Variants in FMNL3 observed in about 807,000 individuals in gnomAD.
FMNL3 encodes the protein formin like 3.
FMNL3 carries 57 observed loss-of-function variants against 119.6 expected under a neutral mutation model. The observed-to-expected ratio is 0.48, with a 90% CI of 0.39 to 0.59. The LOEUF (loss-of-function observed/expected upper bound fraction) is 0.59, where lower values mean the gene tolerates loss of function less well. Ranked by LOEUF, FMNL3 falls within the 20% of genes least tolerant of loss-of-function variation. The probability of loss-of-function intolerance (pLI) is 0.00; values close to 1 mark genes in which losing one functional copy is unlikely to be tolerated. For missense variants in FMNL3, 1,053 were observed against 1,323.5 expected (o/e 0.80, Z 3.17); for synonymous variants, 491 against 507.3 (o/e 0.97, Z 0.43).
Position 49,645,734 on chromosome 12 carries a change from T to C in FMNL3, c.*81A>G. On this transcript the variant is annotated 3_prime_UTR_variant, in exon 26 of 26. Transcript: ENST00000335154. Reference sequence around the variant, plus strand: ...TTGAGAGAGCAACACAGCCCTCTCCTGAGCCCTTGGCCAATTCCAGGTCCA... The same window carrying C: ...TTGAGAGAGCAACACAGCCCTCTCCCGAGCCCTTGGCCAATTCCAGGTCCA... The C allele has an allele frequency of 1.6e-6, 2 of 1,259,952 alleles. No homozygotes were observed. The highest frequency in any genetic ancestry group is 2.2e-6 in the Non-Finnish European group (2 of 903,822). 78.0% of individuals were successfully genotyped at this position (1,259,952 alleles called of 1,614,324 possible).
chr12:49,655,296 G>A (rs1030677051), intron 9 of FMNL3, among the ~76,000 whole-genome samples: 1 of 152,200 alleles, frequency 6.6e-6, no homozygotes, highest in Non-Finnish European at 1.5e-5. Context: ...GCCGGGCATG[G>A]TGGCACATGC....
At chr12:49,646,791 TG>T (rs1363197523) in intron 25 of FMNL3, 94 bp downstream of exon 25, 4 of 1,573,756 alleles carry the variant, frequency 2.5e-6, no homozygotes, top group Non-Finnish European at 3.5e-6. Context: ...TCAGGCCTCA[TG>T]GGGGGTGGGG....
chr12:49,704,710 C>CAAAAAAAAAAAAAA (rs59799899), intron 1 of FMNL3, among the ~76,000 whole-genome samples: 16 of 37,842 alleles, frequency 4.2e-4, no homozygotes, highest in Middle Eastern at 0.017. Context: ...AACTCCATCT[C>CAAAAAAAAAAAAAA]AAAAAAAAAA....
intron 1 of FMNL3, among the ~76,000 whole-genome samples, chr12:49,693,119 AC>A (rs1354401318): frequency 6.6e-6 from 1 of 152,210 alleles, no homozygotes; most frequent in Admixed American, 6.5e-5. Flanking sequence ...TTAGTATAAT[AC>A]AAAGGGAAGC....
In FMNL3 at chr12:49,643,898, C is replaced by A; in HGVS notation, c.*1917G>T. ...AGTGAGACAGACCCTGAGGAGAAAG[C>A]TGGCAAGGAGAGCGATGAGAAAGAA... On this transcript the variant is annotated 3_prime_UTR_variant, in exon 26 of 26. Coordinates refer to ENST00000335154, the MANE Select transcript of FMNL3 (RefSeq NM_175736.5). The A allele has an allele frequency of 6.2e-7, 1 of 1,614,158 alleles. No homozygotes were observed.
rs923794038 is a variant in FMNL3, at chr12:49,641,439, AT to A, written c.*4375del. On this transcript the variant is annotated 3_prime_UTR_variant, in exon 26 of 26. Coordinates refer to ENST00000335154, the MANE Select transcript of FMNL3 (RefSeq NM_175736.5). ...GTGTAAAATTAGGATACTAGGACCT[AT>A]TCTTAAATGTAGAACCAAGAGGATT... 1.3e-5 allele frequency: 2 copies of A among 156,304 alleles called. No homozygotes were observed. Among genetic ancestry groups the A allele is most frequent in the African/African-American group, 2.4e-5 (1 of 41,512 alleles). 9.7% of individuals were successfully genotyped at this position (156,304 alleles called of 1,614,324 possible).
chr12:49,679,519 CTTTTTTTTT>C (rs551320921), intron 1 of FMNL3, among the ~76,000 whole-genome samples: 4 of 90,622 alleles, frequency 4.4e-5, no homozygotes, highest in African/African-American at 1.4e-4. Flanking sequence ...GCATTTGTGT[CTTTTTTTTT>C]TTTTTTTTTT....
At chr12:49,692,448 G>A (rs1015599338) in intron 1 of FMNL3, among the ~76,000 whole-genome samples, 4 of 151,846 alleles carry the variant, frequency 2.6e-5, no homozygotes, top group Non-Finnish European at 5.9e-5. Context: ...AAAGCTTATA[G>A]AATAAAAAAT....
intron 4 of FMNL3, among the ~76,000 whole-genome samples, chr12:49,664,662 G>T (rs1053058715): frequency 2.0e-5 from 3 of 152,184 alleles, no homozygotes; most frequent in Non-Finnish European, 4.4e-5. Context: ...TTCAATGTCT[G>T]ATTCACAGAT....
Position 49,641,814 on chromosome 12 carries a change from G to T in FMNL3, c.*4001C>A, listed in dbSNP as rs1447458290. The T allele has an allele frequency of 4.0e-6, 4 of 998,868 alleles. No individual in the cohort carries two copies. The African/African-American group carries it at 6.3e-5, about 16-fold the overall frequency. 61.9% of individuals were successfully genotyped at this position (998,868 alleles called of 1,614,324 possible). On this transcript the variant is annotated 3_prime_UTR_variant, in exon 26 of 26. Coordinates refer to ENST00000335154, the MANE Select transcript of FMNL3 (RefSeq NM_175736.5). Reference sequence around the variant, plus strand: ...CCTGTGGATCTCTTCCAGAGGCAAGGGCCTTCTTGACCATCTGTAATGTGA... The same window carrying T: ...CCTGTGGATCTCTTCCAGAGGCAAGTGCCTTCTTGACCATCTGTAATGTGA...
intron 1 of FMNL3, among the ~76,000 whole-genome samples, chr12:49,669,317 G>A (rs1223310631): frequency 2.0e-5 from 3 of 152,142 alleles, no homozygotes; most frequent in Non-Finnish European, 4.4e-5. Flanking sequence ...CTCTAATACA[G>A]GCTATTTGAA....
At chr12:49,706,508 T>C (rs1420839818) in intron 1 of FMNL3, among the ~76,000 whole-genome samples, 2 of 152,236 alleles carry the variant, frequency 1.3e-5, no homozygotes, top group East Asian at 1.9e-4. Context: ...GGCATACTCT[T>C]TATTCCACCC....
chr12:49,636,657 G>A lies in FMNL3; in HGVS notation c.*9158C>T. ...GCATCGTTGAAACATTAGGGGTGCT[G>A]GGGTCTGAGAGGGTATCCTGCTGGG... On this transcript the variant is annotated 3_prime_UTR_variant, in exon 26 of 26. Transcript: ENST00000335154. The A allele has an allele frequency of 1.2e-6, 2 of 1,605,724 alleles. No homozygotes were observed. The highest frequency in any genetic ancestry group is 1.7e-6 in the Non-Finnish European group (2 of 1,173,568).
At position 49,644,396 on chromosome 12, in the gene FMNL3, T is replaced by C. The variant is rs544813345; in HGVS notation, c.*1419A>G. 2.3e-5 allele frequency: 14 copies of C among 605,434 alleles called. No individual in the cohort carries two copies. The African/African-American group carries it at 2.4e-4, about 10-fold the overall frequency. 37.5% of individuals were successfully genotyped at this position (605,434 alleles called of 1,614,324 possible). On this transcript the variant is annotated 3_prime_UTR_variant, in exon 26 of 26. Coordinates refer to ENST00000335154, the MANE Select transcript of FMNL3 (RefSeq NM_175736.5). ...CTACTCCCTGGACTAGTGCAGTCCT[T>C]GCCCTCAGCCCCAGACCAGAGATGG...
Position 49,637,944 on chromosome 12 carries a change from C to T in FMNL3, c.*7871G>A. 1.3e-6 allele frequency: 1 copy of T among 763,400 alleles called. No homozygotes were observed. The highest frequency in any genetic ancestry group is 1.7e-5 in the South Asian group (1 of 59,076). 47.3% of individuals were successfully genotyped at this position (763,400 alleles called of 1,614,324 possible). A position where few individuals can be genotyped will look rare whatever the true frequency, so the allele number is the denominator to read the frequency against. On this transcript the variant is annotated 3_prime_UTR_variant, in exon 26 of 26. Transcript: ENST00000335154. ...TACAGCTTGGTTCAGCAGATATCTACTGTGATCCTTTACTGCACACTAGGG... is the reference window on the plus strand; with the variant it reads ...TACAGCTTGGTTCAGCAGATATCTATTGTGATCCTTTACTGCACACTAGGG...
rs776914564 is a variant in FMNL3 at position 49,649,371 on chromosome 12, G to A, written c.2305-32C>T. The A allele has an allele frequency of 4.3e-6, 7 of 1,613,816 alleles. No individual in the cohort carries two copies. Among genetic ancestry groups the A allele is most frequent in the Middle Eastern group, 1.6e-4 (1 of 6,084 alleles). Reference sequence around the variant, plus strand: ...AAAGAATGTGTGGGAGGCAGGTCAGGCTCAGGTCCTGAAGGCTCCTTCTTC... The same window carrying A: ...AAAGAATGTGTGGGAGGCAGGTCAGACTCAGGTCCTGAAGGCTCCTTCTTC... On this transcript the variant is annotated intron_variant, in intron 19 of 25. Transcript: ENST00000335154. This position sits in a 1 kb window ranked among gnomAD's most constrained non-coding sequence, Gnocchi z 5.6.
rs779652664 is a variant in FMNL3 at position 49,647,667 on chromosome 12, G to T, written c.2778+36C>A. The T allele has an allele frequency of 5.0e-6, 8 of 1,585,080 alleles. No individual in the cohort carries two copies. The highest frequency in any genetic ancestry group is 6.9e-6 in the Non-Finnish European group (8 of 1,154,316). On this transcript the variant is annotated intron_variant, in intron 23 of 25. Transcript: ENST00000335154. This position sits in a 1 kb window ranked among gnomAD's most constrained non-coding sequence, Gnocchi z 4.9. ...CTTCTCTCCCCCAGCCAGTTTTCTCGCAACCAAACTTCTTAAAAAGCTCTC... is the reference window on the plus strand; with the variant it reads ...CTTCTCTCCCCCAGCCAGTTTTCTCTCAACCAAACTTCTTAAAAAGCTCTC...
rs561753080 is a variant in FMNL3, at chr12:49,639,362, A to T, written c.*6453T>A. ...GGGCTACTTGGTACAAAAGTCCAAG[A>T]AGCACTAGATGCTAGGAGCTGGGTT... On this transcript the variant is annotated 3_prime_UTR_variant, in exon 26 of 26. Transcript: ENST00000335154. 3 of 152,224 alleles carry T rather than the reference A, an allele frequency of 2.0e-5. No individual in the cohort carries two copies. The highest frequency in any genetic ancestry group is 7.2e-5 in the African/African-American group (3 of 41,446). 9.4% of individuals were successfully genotyped at this position (152,224 alleles called of 1,614,324 possible). A position where few individuals can be genotyped will look rare whatever the true frequency, so the allele number is the denominator to read the frequency against.
In FMNL3 at chr12:49,644,138, T is replaced by C; in HGVS notation, c.*1677A>G. On this transcript the variant is annotated 3_prime_UTR_variant, in exon 26 of 26. Coordinates refer to ENST00000335154, the MANE Select transcript of FMNL3 (RefSeq NM_175736.5). ...CGTCAGAAAGTGAGCTGAGTGAGGG[T>C]GAGCTGGAGAGGCGGCGGCGGACAC... 1 of 1,613,800 alleles carries C rather than the reference T, an allele frequency of 6.2e-7. No individual in the cohort carries two copies. The highest frequency in any genetic ancestry group is 8.5e-7 in the Non-Finnish European group (1 of 1,179,962).
Sources: gnomAD v4.1 joint callset for allele counts (sites outside exome capture counted in the v4.1 genomes callset) on GRCh38, gnomAD v4.1.1 for gene constraint, Gnocchi (gnomAD v3.1) non-coding constraint, MANE v1.5 for transcripts, NCBI Gene and HGNC (gene_info 2026-07-23, HGNC 2026-07-21) for gene names.